MARCHF1: variants seen among roughly 807,000 people sequenced by gnomAD.
MARCHF1 encodes the protein membrane associated ring-CH-type finger 1, also known as E3 ubiquitin-protein ligase MARCHF1.
In MARCHF1, 40 loss-of-function variants were observed where a neutral mutation model predicts 54.2. The observed-to-expected ratio is 0.74, with a 90% confidence interval of 0.57 to 0.96. The LOEUF (loss-of-function observed/expected upper bound fraction) is 0.96. MARCHF1 is among the 40% of genes least tolerant of loss of function. The probability of loss-of-function intolerance (pLI) is 0.00; values close to 1 mark genes in which losing one functional copy is unlikely to be tolerated. For synonymous variants in MARCHF1, 236 were observed against 236.3 expected, an observed-to-expected ratio of 1.00 and a Z score of 0.01; for missense variants, 586 against 656.5, an observed-to-expected ratio of 0.89 and a Z score of 1.17.
chr4:164,037,396 T>C (rs1175376100), intron 2 of MARCHF1, among the ~76,000 whole-genome samples: 1 of 152,176 alleles, frequency 6.6e-6, no homozygotes, highest in Non-Finnish European at 1.5e-5. Context: ...GAAGCATGAA[T>C]ATATTACAAA....
chr4:163,948,191 A>G (rs1343956163), intron 3 of MARCHF1, among the ~76,000 whole-genome samples: 1 of 152,096 alleles, frequency 6.6e-6, no homozygotes, highest in Non-Finnish European at 1.5e-5. Flanking sequence ...CCAATATCCT[A>G]AAATGGCATC....
At chr4:163,563,178 C>T (rs1739528078) in intron 8 of MARCHF1, among the ~76,000 whole-genome samples, 1 of 152,156 alleles carries the variant, frequency 6.6e-6, no homozygotes, top group Admixed American at 6.5e-5. Flanking sequence ...CTGACACTTG[C>T]TTTCTATTTT....
intron 2 of MARCHF1, among the ~76,000 whole-genome samples, chr4:164,019,530 A>T (rs894920913): frequency 4.6e-5 from 7 of 152,202 alleles, no homozygotes; most frequent in African/African-American, 1.7e-4. Context: ...AATCTGTGAC[A>T]AAGTAGCATC....
At chr4:163,653,148 G>A (rs1579160854) in intron 5 of MARCHF1, among the ~76,000 whole-genome samples, 1 of 151,920 alleles carries the variant, frequency 6.6e-6, no homozygotes, top group East Asian at 1.9e-4. Context: ...CTGAAGTCAG[G>A]GAGTGATTCA....
chr4:164,250,760 A>T (rs1390114951), intron 1 of MARCHF1, among the ~76,000 whole-genome samples: 1 of 152,170 alleles, frequency 6.6e-6, no homozygotes, highest in South Asian at 2.1e-4. Context: ...AGATGATAAG[A>T]TATTTTAACA....
intron 1 of MARCHF1, among the ~76,000 whole-genome samples, chr4:164,358,184 G>A (rs1037540453): frequency 2.6e-5 from 4 of 152,126 alleles, no homozygotes; most frequent in African/African-American, 9.7e-5. Flanking sequence ...CTTCTGCTAG[G>A]TAAGGTTTGC....
intron 5 of MARCHF1, among the ~76,000 whole-genome samples, chr4:163,678,106 A>T (rs77073613): frequency 0.052 from 7,844 of 152,230 alleles, 640 homozygotes; most frequent in African/African-American, 0.18. Flanking sequence ...TATCAGTGCA[A>T]CTATAAGCTA....
rs183460401 is a variant in MARCHF1, at chr4:163,946,680, T to A, written c.-39+41821A>T. On this transcript the variant is annotated intron_variant, in intron 3 of 9. Coordinates refer to ENST00000514618, the MANE Select transcript of MARCHF1 (RefSeq NM_001394959.1). Reference sequence around the variant, plus strand: ...TGATGTTCTCCCAAAGGCTTCAGATTATGCTGAGCACAAGTGAACAATGAG... The same window carrying A: ...TGATGTTCTCCCAAAGGCTTCAGATAATGCTGAGCACAAGTGAACAATGAG... Among the ~76,000 whole-genome samples, 65 of 152,338 alleles carry A rather than the reference T, an allele frequency of 4.3e-4. 1 individual carries two copies. The East Asian group carries it at 0.012, about 28-fold the overall frequency.
intron 3 of MARCHF1, among the ~76,000 whole-genome samples, chr4:163,947,532 A>T (rs538286307): frequency 1.3e-5 from 2 of 152,340 alleles, no homozygotes; most frequent in South Asian, 4.1e-4. Flanking sequence ...AGACCAAGTA[A>T]CACTGGACCC....
rs1428046607 is a variant in MARCHF1, at chr4:163,750,441, G to T, written c.112-49578C>A. Reference sequence around the variant, plus strand: ...CAGGAGAATCGCTTGAACCCAGGAGGCGGAGGTTGCAGTGAGCTGAGATCG... The same window carrying T: ...CAGGAGAATCGCTTGAACCCAGGAGTCGGAGGTTGCAGTGAGCTGAGATCG... On this transcript the variant is annotated intron_variant, in intron 4 of 9. Transcript: ENST00000514618. 3.3e-5 allele frequency among the ~76,000 whole-genome samples: 5 copies of T among 151,762 alleles called. No homozygotes were observed. In the East Asian group the frequency reaches 9.8e-4, roughly 30 times the overall value.
At chr4:164,086,474 C>T (rs1205038107) in intron 2 of MARCHF1, among the ~76,000 whole-genome samples, 2 of 151,886 alleles carry the variant, frequency 1.3e-5, no homozygotes, top group Non-Finnish European at 2.9e-5. Context: ...GTTCAATATG[C>T]TTCACTACTG....
chr4:163,869,720 A>T (rs574758705), intron 3 of MARCHF1, among the ~76,000 whole-genome samples: 73 of 152,114 alleles, frequency 4.8e-4, no homozygotes, highest in Non-Finnish European at 9.4e-4. Context: ...CAATTAAATA[A>T]TATTAAACCA....
Position 163,622,717 on chromosome 4 carries a change from G to A in MARCHF1, c.163-9324C>T, listed in dbSNP as rs536772216. On this transcript the variant is annotated intron_variant, in intron 5 of 9. Coordinates refer to ENST00000514618, the MANE Select transcript of MARCHF1 (RefSeq NM_001394959.1). Reference sequence around the variant, plus strand: ...GAAGACTCAGGCCAGACAGCTAAACGTGGAAGAGGGTGGCATGGCAAGTTG... The same window carrying A: ...GAAGACTCAGGCCAGACAGCTAAACATGGAAGAGGGTGGCATGGCAAGTTG... Among the ~76,000 whole-genome samples the A allele has an allele frequency of 3.3e-5, 5 of 152,294 alleles. No individual in the cohort carries two copies. In the East Asian group the frequency reaches 5.8e-4, roughly 18 times the overall value.
intron 2 of MARCHF1, among the ~76,000 whole-genome samples, chr4:164,053,889 C>T (rs1214616537): frequency 6.6e-6 from 1 of 152,086 alleles, no homozygotes; most frequent in Non-Finnish European, 1.5e-5. Context: ...TCTAAAACAC[C>T]AAAAGCAATG....
chr4:164,344,700 T>C (rs756730432), intron 1 of MARCHF1, among the ~76,000 whole-genome samples: 2 of 152,210 alleles, frequency 1.3e-5, no homozygotes, highest in Non-Finnish European at 2.9e-5. Context: ...GTTTGTGAAC[T>C]ACTTTTTGCC....
intron 3 of MARCHF1, among the ~76,000 whole-genome samples, chr4:163,864,973 A>C (rs1057361099): frequency 2.0e-5 from 3 of 151,928 alleles, no homozygotes; most frequent in African/African-American, 7.2e-5. Context: ...ATTTAGGACT[A>C]AACAGTGAAA....
intron 3 of MARCHF1, among the ~76,000 whole-genome samples, chr4:163,894,414 A>G (rs1018610324): frequency 4.6e-5 from 7 of 151,986 alleles, no homozygotes; most frequent in African/African-American, 1.4e-4. Flanking sequence ...TAGATTTGTA[A>G]TAATTAAATG....
intron 3 of MARCHF1, among the ~76,000 whole-genome samples, chr4:163,958,240 AGTGAGTGTGTGTGTGTGTGT>A (rs1411806583): frequency 8.1e-6 from 1 of 123,206 alleles, no homozygotes; most frequent in Non-Finnish European, 1.7e-5. Context: ...CTTTCAATCA[AGTGAGTGTGTGTGTGTGTGT>A]GTGTGTGTGT....
intron 5 of MARCHF1, among the ~76,000 whole-genome samples, chr4:163,636,180 G>A (rs1163705900): frequency 2.6e-5 from 4 of 151,986 alleles, no homozygotes; most frequent in Non-Finnish European, 4.4e-5. Flanking sequence ...TTTGAAAACC[G>A]GCACAAGACA....
Sources: gnomAD v4.1 joint callset for allele counts (sites outside exome capture counted in the v4.1 genomes callset) on GRCh38, gnomAD v4.1.1 for gene constraint, MANE v1.5 for transcripts, NCBI Gene and HGNC (gene_info 2026-07-23, HGNC 2026-07-21) for gene names.